Variants in NXPE2 observed in about 807,000 individuals in gnomAD.
NXPE2 encodes the protein NXPE family member 2.
A neutral mutation model predicts 34.4 loss-of-function variants in NXPE2; 34 were observed. The ratio of observed to expected loss-of-function variants is 0.99; its 90% confidence interval spans 0.75 to 1.31. The LOEUF is 1.31. Among genes scored for constraint, NXPE2 ranks in the 40% most tolerant of loss-of-function variants. The probability of loss-of-function intolerance (pLI) is 0.00; values close to 1 mark genes in which losing one functional copy is unlikely to be tolerated. For synonymous variants in NXPE2, 235 were observed against 231.3 expected (o/e 1.02, Z -0.15); for missense variants, 649 against 672.5 (o/e 0.97, Z 0.39).
the NXPE2 span, among the ~76,000 whole-genome samples, chr11:114,519,790 C>A: frequency 6.6e-5 from 10 of 152,092 alleles, no homozygotes; most frequent in African/African-American, 2.4e-4. Flanking sequence ...TTATTGCATA[C>A]ATTTAAGGTA....
At chr11:114,626,233 A>C in the NXPE2 span, among the ~76,000 whole-genome samples, 1 of 152,220 alleles carries the variant, frequency 6.6e-6, no homozygotes, top group Non-Finnish European at 1.5e-5. Context: ...GGGCACAGAC[A>C]AACAAAAAGA....
the NXPE2 span, among the ~76,000 whole-genome samples, chr11:114,617,529 C>T: frequency 1.2e-4 from 18 of 152,174 alleles, no homozygotes; most frequent in Non-Finnish European, 1.6e-4. Flanking sequence ...CGTGTTGCCT[C>T]GTGGCTAACC....
At chr11:114,615,602 C>A in the NXPE2 span, among the ~76,000 whole-genome samples, 1 of 148,336 alleles carries the variant, frequency 6.7e-6, no homozygotes, top group Non-Finnish European at 1.5e-5. Flanking sequence ...TTTGCTGCCT[C>A]ATGGGTAACC....
the NXPE2 span, among the ~76,000 whole-genome samples, chr11:114,743,148 GT>G: frequency 6.6e-6 from 1 of 152,024 alleles, no homozygotes; most frequent in East Asian, 1.9e-4. Context: ...TAACCAAACT[GT>G]TTTTTTTAAA....
the NXPE2 span, among the ~76,000 whole-genome samples, chr11:114,642,198 C>A: frequency 6.6e-6 from 1 of 151,978 alleles, no homozygotes; most frequent in African/African-American, 2.4e-5. Flanking sequence ...TGGCATTTTA[C>A]TTCTGTGGTC....
chr11:114,813,075 A>G, the NXPE2 span, among the ~76,000 whole-genome samples: 185 of 152,298 alleles, frequency 1.2e-3, 1 homozygote, highest in African/African-American at 4.4e-3. Flanking sequence ...CTCCCAGAGA[A>G]TCTTGATAGC....
the NXPE2 span, among the ~76,000 whole-genome samples, chr11:114,472,078 G>A: frequency 6.6e-6 from 1 of 152,154 alleles, no homozygotes; most frequent in Admixed American, 6.5e-5. Context: ...AAAAGGTGAT[G>A]CTAAACAACA....
the NXPE2 span, chr11:114,513,424 T>C: frequency 3.0e-5 from 9 of 304,492 alleles, no homozygotes; most frequent in East Asian, 6.4e-4. Context: ...GGTATCCCTG[T>C]GATGAAGAAA....
the NXPE2 span, among the ~76,000 whole-genome samples, chr11:114,487,028 G>T: frequency 1.3e-5 from 2 of 151,746 alleles, no homozygotes; most frequent in Non-Finnish European, 2.9e-5. Flanking sequence ...TTCTATTTCT[G>T]TGAAGAATAT....
At chr11:114,710,462 C>A (rs893142693), downstream of NXPE2, among the ~76,000 whole-genome samples, 1 of 152,060 alleles carries the variant, frequency 6.6e-6, no homozygotes, top group Non-Finnish European at 1.5e-5. Flanking sequence ...CTACTATGAA[C>A]AATTGTACGC....
At chr11:114,571,427 C>T in the NXPE2 span, 3 of 1,611,218 alleles carry the variant, frequency 1.9e-6, no homozygotes, top group Non-Finnish European at 2.5e-6. Flanking sequence ...CCACAGCAAG[C>T]TGGTGTTGCA....
the NXPE2 span, among the ~76,000 whole-genome samples, chr11:114,492,237 C>G: frequency 6.6e-6 from 1 of 152,018 alleles, no homozygotes; most frequent in African/African-American, 2.4e-5. Flanking sequence ...AATTTTATTT[C>G]TGCTCTGATC....
At chr11:114,736,250 G>A in the NXPE2 span, among the ~76,000 whole-genome samples, 2 of 152,170 alleles carry the variant, frequency 1.3e-5, no homozygotes, top group East Asian at 3.9e-4. Flanking sequence ...AAATTTATTA[G>A]GTGGGAATTT....
the NXPE2 span, among the ~76,000 whole-genome samples, chr11:114,625,492 C>T: frequency 1.3e-5 from 2 of 152,006 alleles, no homozygotes; most frequent in East Asian, 2.0e-4. Context: ...TGTATGGCCT[C>T]GTGGGTAACC....
the NXPE2 span, among the ~76,000 whole-genome samples, chr11:114,617,422 C>T: frequency 7.2e-5 from 11 of 152,032 alleles, no homozygotes; most frequent in East Asian, 1.2e-3. Flanking sequence ...CCACTGTTAC[C>T]GGGTGGATAA....
At chr11:114,469,558 C>T in the NXPE2 span, among the ~76,000 whole-genome samples, 5 of 150,484 alleles carry the variant, frequency 3.3e-5, no homozygotes, top group African/African-American at 7.3e-5. Flanking sequence ...GGTGCAATCT[C>T]GGATCACTGC....
At chr11:114,636,145 G>A in the NXPE2 span, among the ~76,000 whole-genome samples, 1 of 151,854 alleles carries the variant, frequency 6.6e-6, no homozygotes, top group African/African-American at 2.4e-5. Flanking sequence ...TTCAGAGCCT[G>A]TTATTGGTCT....
chr11:114,718,646 T>A, the NXPE2 span, among the ~76,000 whole-genome samples: 1 of 152,188 alleles, frequency 6.6e-6, no homozygotes, highest in Admixed American at 6.5e-5. Context: ...TTGAGGGGTC[T>A]GAAAAGAAAC....
At chr11:114,670,778 A>G in the NXPE2 span, among the ~76,000 whole-genome samples, 4 of 151,950 alleles carry the variant, frequency 2.6e-5, no homozygotes, top group African/African-American at 9.7e-5. Flanking sequence ...ATTTGCTATA[A>G]TATTTTATCT....
Sources: gnomAD v4.1 joint callset for allele counts (sites outside exome capture counted in the v4.1 genomes callset) on GRCh38, gnomAD v4.1.1 for gene constraint, MANE v1.5 for transcripts, NCBI Gene and HGNC (gene_info 2026-07-23, HGNC 2026-07-21) for gene names.